The following F13A1 variants were observed in gnomAD, a reference collection of about 807,000 sequenced individuals.
F13A1 encodes coagulation factor XIII A chain, also known as FSF, A subunit.
Under a neutral mutation model 80.1 loss-of-function variants are expected in F13A1, and 47 were observed. The observed-to-expected ratio is 0.59, with a 90% CI of 0.46 to 0.75. The LOEUF is 0.75. Ranked by LOEUF, F13A1 falls within the 30% of genes least tolerant of loss-of-function variation. F13A1 has a pLI of 0.00. For missense variants in F13A1, 817 were observed against 930.4 expected (o/e 0.88, Z 1.59); for synonymous variants, 349 against 344.9 (o/e 1.01, Z -0.13).
rs146204931 is a variant in F13A1, at chr6:6,273,746, C to T, written c.320-6937G>A. Among the ~76,000 whole-genome samples the T allele has an allele frequency of 9.6e-4, 146 of 152,252 alleles. 2 individuals carry two copies. In the East Asian group the frequency reaches 0.015, roughly 16 times the overall value. On this transcript the variant is annotated intron_variant, in intron 3 of 14. Coordinates refer to ENST00000264870, the MANE Select transcript of F13A1 (RefSeq NM_000129.4). The stretch of plus-strand genomic sequence containing the variant: ...GGTAACAGCATGATGTATGTGGCAG[C>T]GCTGGAAGTGTGAATACAGTTGCTT...
chr6:6,194,916 C>T (rs562117015), intron 10 of F13A1, among the ~76,000 whole-genome samples: 9 of 152,074 alleles, frequency 5.9e-5, no homozygotes, highest in Admixed American at 1.3e-4. Flanking sequence ...CACTCTTTGC[C>T]TCGATTTTAT....
At chr6:6,208,112 C>T (rs1194111782) in intron 8 of F13A1, among the ~76,000 whole-genome samples, 1 of 151,988 alleles carries the variant, frequency 6.6e-6, no homozygotes, top group Non-Finnish European at 1.5e-5. Context: ...CTTAAATTAG[C>T]CATTATAAAT....
chr6:6,202,841 C>A (rs543112250), intron 8 of F13A1, among the ~76,000 whole-genome samples: 7 of 152,304 alleles, frequency 4.6e-5, no homozygotes, highest in African/African-American at 1.7e-4. Flanking sequence ...GCTAATAATT[C>A]AGCAGTATTG....
At chr6:6,223,495 A>T (rs910262657) in intron 7 of F13A1, among the ~76,000 whole-genome samples, 1 of 151,982 alleles carries the variant, frequency 6.6e-6, no homozygotes, top group Non-Finnish European at 1.5e-5. Flanking sequence ...CCAACCTTTA[A>T]CCTACCATGA....
At chr6:6,171,319 C>T (rs531797788) in intron 12 of F13A1, among the ~76,000 whole-genome samples, 9 of 152,238 alleles carry the variant, frequency 5.9e-5, no homozygotes, top group African/African-American at 1.4e-4. Context: ...TTGAACACAT[C>T]GACTCATCTC....
chr6:6,178,062 C>T (rs1760915731), intron 11 of F13A1, among the ~76,000 whole-genome samples: 1 of 136,918 alleles, frequency 7.3e-6, no homozygotes, highest in East Asian at 2.3e-4. Flanking sequence ...GGGGGTGGGG[C>T]TTTTAAGCAG....
intron 4 of F13A1, among the ~76,000 whole-genome samples, chr6:6,253,258 C>A (rs2113106183): frequency 6.6e-6 from 1 of 151,964 alleles, no homozygotes; most frequent in Non-Finnish European, 1.5e-5. Flanking sequence ...ACTTTGGACC[C>A]CAATTTATAG....
At chr6:6,294,901 C>T (rs1427753843) in intron 3 of F13A1, among the ~76,000 whole-genome samples, 2 of 119,420 alleles carry the variant, frequency 1.7e-5, no homozygotes, top group African/African-American at 6.5e-5. Flanking sequence ...CCCCTCCCCC[C>T]ACCCCACAAC....
chr6:6,263,701 C>T (rs1168522058), intron 4 of F13A1, among the ~76,000 whole-genome samples: 1 of 152,196 alleles, frequency 6.6e-6, no homozygotes, highest in Non-Finnish European at 1.5e-5. Flanking sequence ...AGCTTCACCC[C>T]CAGTGCTTCC....
chr6:6,252,042 GCCACAGTGGTTAAAAAAAAATC>G (rs1262206191), intron 4 of F13A1, among the ~76,000 whole-genome samples: 1 of 152,052 alleles, frequency 6.6e-6, no homozygotes, highest in Non-Finnish European at 1.5e-5. Flanking sequence ...AACAGAAAAT[GCCACAGTGGTTAAAAAAAAATC>G]CCACAGTGGT....
chr6:6,167,717 A>G, intron 12 of F13A1, 99 bp from the exon 13 acceptor site: 1 of 1,372,398 alleles, frequency 7.3e-7, no homozygotes, highest in South Asian at 1.2e-5. Flanking sequence ...ATTAGCCTGG[A>G]AGCCACCAGG....
At chr6:6,227,608 G>C (rs1757294986) in intron 6 of F13A1, among the ~76,000 whole-genome samples, 1 of 152,180 alleles carries the variant, frequency 6.6e-6, no homozygotes, top group Non-Finnish European at 1.5e-5. Context: ...TTTGGTCTTT[G>C]TGGGTAGGTA....
chr6:6,222,238 C>A (rs185600820), intron 7 of F13A1, 67 bp from the exon 8 acceptor site: 19 of 1,603,000 alleles, frequency 1.2e-5, no homozygotes, highest in Non-Finnish European at 1.5e-5. Flanking sequence ...GTGAAAAAAC[C>A]CTTCTTGTAG....
intron 7 of F13A1, among the ~76,000 whole-genome samples, chr6:6,223,773 C>A (rs964402141): frequency 4.0e-5 from 6 of 151,714 alleles, no homozygotes; most frequent in South Asian, 2.1e-4. Flanking sequence ...TTTTAAATGA[C>A]CTCCCTCCAG....
In F13A1 at chr6:6,250,654, G is replaced by C. The variant is rs894195001; in HGVS notation, c.690+157C>G. 6.6e-6 allele frequency among the ~76,000 whole-genome samples: 1 copy of C among 152,160 alleles called. No individual in the cohort carries two copies. Among genetic ancestry groups the C allele is most frequent in the African/African-American group, 2.4e-5 (1 of 41,438 alleles). On this transcript the variant is annotated intron_variant, in intron 5 of 14. Coordinates refer to ENST00000264870, the MANE Select transcript of F13A1 (RefSeq NM_000129.4). The surrounding 1 kb of genome is among the most constrained non-coding windows in gnomAD (Gnocchi z 4.2). Reference sequence around the variant, plus strand: ...ATAAATTACGCAGTTGTCTTTATGAGTCCCTACTCCTATGCTCTCTGCCTT... The same window carrying C: ...ATAAATTACGCAGTTGTCTTTATGACTCCCTACTCCTATGCTCTCTGCCTT...
At chr6:6,218,944 C>A (rs1162885879) in intron 8 of F13A1, among the ~76,000 whole-genome samples, 2 of 152,166 alleles carry the variant, frequency 1.3e-5, no homozygotes. Flanking sequence ...TTGGCTGAGT[C>A]ATGGAGAAGA....
At chr6:6,296,353 C>T (rs1461024568) in intron 3 of F13A1, among the ~76,000 whole-genome samples, 21 of 147,804 alleles carry the variant, frequency 1.4e-4, no homozygotes, top group Admixed American at 2.7e-4. Flanking sequence ...GCCATTTTCA[C>T]GATATTGATT....
At chr6:6,261,610 C>T (rs1005356719) in intron 4 of F13A1, among the ~76,000 whole-genome samples, 1 of 81,648 alleles carries the variant, frequency 1.2e-5, no homozygotes, top group East Asian at 5.8e-4. Context: ...GTGTTCCAAG[C>T]GTGGTGACCC....
chr6:6,235,487 G>T (rs904308608), intron 6 of F13A1, among the ~76,000 whole-genome samples: 4 of 152,000 alleles, frequency 2.6e-5, no homozygotes, highest in African/African-American at 9.7e-5. Flanking sequence ...TATTGGAACA[G>T]ATATTCCATC....
Sources: gnomAD v4.1 joint callset for allele counts (sites outside exome capture counted in the v4.1 genomes callset) on GRCh38, gnomAD v4.1.1 for gene constraint, Gnocchi (gnomAD v3.1) non-coding constraint, MANE v1.5 for transcripts, NCBI Gene and HGNC (gene_info 2026-07-23, HGNC 2026-07-21) for gene names.